The following MCTP1 variants were observed in gnomAD, a reference collection of about 807,000 sequenced individuals.
MCTP1 encodes the protein multiple C2 and transmembrane domain-containing protein 1.
In MCTP1, 69 loss-of-function variants were observed where a neutral mutation model predicts 120.6. That is an observed-to-expected ratio of 0.57 (90% CI 0.47 to 0.70). The LOEUF (loss-of-function observed/expected upper bound fraction) is 0.70. MCTP1 is among the 30% of genes least tolerant of loss of function. The pLI, the probability that MCTP1 is intolerant of heterozygous loss-of-function variation, is 0.00. For synonymous variants in MCTP1, 529 were observed against 493.1 expected, an observed-to-expected ratio of 1.07 and a Z score of -0.96; for missense variants, 1,203 against 1,248.8, an observed-to-expected ratio of 0.96 and a Z score of 0.55.
chr5:94,867,429 T>G, intron 17 of MCTP1: 3 of 1,029,936 alleles, frequency 2.9e-6, no homozygotes, highest in Non-Finnish European at 4.4e-6. Context: ...GTGCATACAC[T>G]CATTTGAATG....
chr5:94,716,432 G>C (rs1759386240), intron 19 of MCTP1, among the ~76,000 whole-genome samples: 1 of 150,572 alleles, frequency 6.6e-6, no homozygotes, highest in African/African-American at 2.4e-5. Flanking sequence ...ATACAATTGT[G>C]CACGTTAGAG....
chr5:94,727,173 C>G (rs761895434), intron 19 of MCTP1, among the ~76,000 whole-genome samples: 8 of 152,160 alleles, frequency 5.3e-5, no homozygotes, highest in Non-Finnish European at 1.2e-4. Context: ...CTAGCATAGA[C>G]AAAACAGCAC....
chr5:95,212,911 T>G (rs1306228132), intron 1 of MCTP1, among the ~76,000 whole-genome samples: 3 of 152,176 alleles, frequency 2.0e-5, no homozygotes, highest in African/African-American at 7.2e-5. Context: ...AATATCATAC[T>G]GAATGGGCAA....
intron 19 of MCTP1, among the ~76,000 whole-genome samples, chr5:94,759,972 G>GA (rs1770937752): frequency 8.7e-6 from 1 of 115,444 alleles, no homozygotes; most frequent in African/African-American, 3.3e-5. Flanking sequence ...ACTGTTGAGG[G>GA]TTTTTTTTTT....
chr5:94,863,747 C>G (rs1203388743), intron 17 of MCTP1, among the ~76,000 whole-genome samples: 1 of 151,748 alleles, frequency 6.6e-6, no homozygotes, highest in East Asian at 1.9e-4. Context: ...CTGTAGGAGC[C>G]TATTGTCTTT....
At chr5:94,853,767 A>T (rs1238336330) in intron 17 of MCTP1, among the ~76,000 whole-genome samples, 1 of 151,944 alleles carries the variant, frequency 6.6e-6, no homozygotes, top group Middle Eastern at 3.2e-3. Flanking sequence ...CTGCTTGTAC[A>T]TAAGAACTTG....
chr5:95,022,518 T>C (rs1200940185), intron 1 of MCTP1, among the ~76,000 whole-genome samples: 2 of 152,222 alleles, frequency 1.3e-5, no homozygotes, highest in African/African-American at 2.4e-5. Flanking sequence ...ACCTTTAAAA[T>C]CATGGAATAG....
At chr5:94,965,455 C>A (rs1182391789) in intron 2 of MCTP1, among the ~76,000 whole-genome samples, 1 of 152,106 alleles carries the variant, frequency 6.6e-6, no homozygotes, top group Non-Finnish European at 1.5e-5. Context: ...ATTCTGTACT[C>A]CACTAGTGTG....
At chr5:95,272,855 G>A (rs914806933) in intron 1 of MCTP1, among the ~76,000 whole-genome samples, 8 of 152,198 alleles carry the variant, frequency 5.3e-5, no homozygotes, top group African/African-American at 1.9e-4. Flanking sequence ...TGACCCAAAT[G>A]GTCAAGTTTT....
intron 2 of MCTP1, among the ~76,000 whole-genome samples, chr5:95,003,767 C>G (rs945700179): frequency 1.3e-5 from 2 of 152,330 alleles, no homozygotes; most frequent in Middle Eastern, 3.4e-3. Context: ...GATTAAACCT[C>G]TTTTATTTAT....
intron 2 of MCTP1, among the ~76,000 whole-genome samples, chr5:95,006,279 A>ATGTATGTGTATATATATG: frequency 6.6e-6 from 1 of 151,806 alleles, no homozygotes; most frequent in South Asian, 2.1e-4. Flanking sequence ...AAACACATAT[A>ATGTATGTGTATATATATG]CATATATATG....
At chr5:95,276,485 T>C (rs1198086337) in intron 1 of MCTP1, among the ~76,000 whole-genome samples, 2 of 150,924 alleles carry the variant, frequency 1.3e-5, no homozygotes, top group African/African-American at 2.4e-5. Flanking sequence ...CTTGAACTCC[T>C]GACCTCAGGT....
chr5:94,707,188 A>T lies in MCTP1; in HGVS notation c.*308T>A, dbSNP rs7714195. ...AGCACAGGTGAGTATTTAATCCACT[A>T]GTAATTAGATAAGAATATATCTTCC... On this transcript the variant is annotated 3_prime_UTR_variant, in exon 23 of 23. Transcript: ENST00000515393. 0.29 allele frequency: 63,521 copies of T among 221,692 alleles called. 10,341 individuals carry two copies. The highest frequency in any genetic ancestry group is 0.66 in the East Asian group (6,034 of 9,120). The allele number at this position is 221,692 out of a possible 1,614,324, so 13.7% of individuals were successfully genotyped here. A position where few individuals can be genotyped will look rare whatever the true frequency, so the allele number is the denominator to read the frequency against.
At chr5:95,098,994 C>T (rs1756495326) in intron 1 of MCTP1, among the ~76,000 whole-genome samples, 1 of 151,982 alleles carries the variant, frequency 6.6e-6, no homozygotes, top group African/African-American at 2.4e-5. Flanking sequence ...TGATCTTTGA[C>T]AAACCTGAGA....
chr5:94,748,356 G>A (rs1226865891), intron 19 of MCTP1, among the ~76,000 whole-genome samples: 8 of 152,174 alleles, frequency 5.3e-5, no homozygotes, highest in East Asian at 1.9e-4. Context: ...AAACATTGTC[G>A]AGACAGCAGT....
chr5:95,165,810 T>C (rs1746269724), intron 1 of MCTP1, among the ~76,000 whole-genome samples: 1 of 152,216 alleles, frequency 6.6e-6, no homozygotes, highest in Admixed American at 6.5e-5. Context: ...TGCCCGGCTG[T>C]TTCCTATGTT....
intron 19 of MCTP1, among the ~76,000 whole-genome samples, chr5:94,760,027 T>C (rs6880166): frequency 0.017 from 2,404 of 145,086 alleles, 62 homozygotes; most frequent in African/African-American, 0.057. Flanking sequence ...TCTAGCTCAA[T>C]TGCTTACAAA....
At chr5:94,732,628 G>T (rs530146774) in intron 19 of MCTP1, among the ~76,000 whole-genome samples, 51 of 152,136 alleles carry the variant, frequency 3.4e-4, no homozygotes, top group African/African-American at 1.1e-3. Flanking sequence ...TTTGGAGGTG[G>T]GGCCTTTGGG....
chr5:95,253,023 A>T (rs141540861), intron 1 of MCTP1, among the ~76,000 whole-genome samples: 285 of 152,280 alleles, frequency 1.9e-3, no homozygotes, highest in Non-Finnish European at 3.5e-3. Flanking sequence ...ATTCCAGATG[A>T]TGATTTTCTA....
Sources: gnomAD v4.1 joint callset for allele counts (sites outside exome capture counted in the v4.1 genomes callset) on GRCh38, gnomAD v4.1.1 for gene constraint, MANE v1.5 for transcripts, NCBI Gene and HGNC (gene_info 2026-07-23, HGNC 2026-07-21) for gene names.